CA5A: variants seen among roughly 807,000 people sequenced by gnomAD.
The protein encoded by CA5A is carbonic anhydrase 5A, also known as carbonic anhydrase 5A, mitochondrial.
Under a neutral mutation model 37.1 loss-of-function variants are expected in CA5A, and 28 were observed. That is an observed-to-expected ratio of 0.75 (90% CI 0.56 to 1.03). CA5A has a LOEUF of 1.03. Among genes scored for constraint, CA5A ranks in the 50% least tolerant of loss-of-function variants. The pLI, the probability that CA5A is intolerant of heterozygous loss-of-function variation, is 0.00. For synonymous variants in CA5A, 171 were observed against 158.4 expected (o/e 1.08, Z -0.60); for missense variants, 444 against 399.9 (o/e 1.11, Z -0.94).
At chr16:87,918,001 C>A (rs1240236844) in intron 2 of CA5A, among the ~76,000 whole-genome samples, 2 of 152,214 alleles carry the variant, frequency 1.3e-5, no homozygotes, top group East Asian at 3.8e-4. Context: ...CCGACACTGC[C>A]AGGATTCCCC....
At chr16:87,891,997 G>T (rs1404923475) in intron 5 of CA5A, 43 bp from the exon 6 acceptor site, 3 of 1,476,388 alleles carry the variant, frequency 2.0e-6, no homozygotes, top group South Asian at 1.4e-5. Context: ...CCTCAGGGGA[G>T]ACTAGGAGCT....
chr16:87,928,760 GTTTTTTTT>G (rs60994571), intron 1 of CA5A, among the ~76,000 whole-genome samples: 3 of 57,924 alleles, frequency 5.2e-5, no homozygotes, highest in East Asian at 1.2e-3. Flanking sequence ...TCTTTTCTTT[GTTTTTTTT>G]TTTTTTTTTT....
intron 1 of CA5A, among the ~76,000 whole-genome samples, chr16:87,930,672 G>C (rs913186764): frequency 6.6e-6 from 1 of 152,078 alleles, no homozygotes; most frequent in Admixed American, 6.6e-5. Context: ...GTGGTTCTGA[G>C]AGGGGCTGCT....
At chr16:87,891,760 C>T (rs1223797710) in intron 6 of CA5A, 39 bp downstream of exon 6, 11 of 1,451,100 alleles carry the variant, frequency 7.6e-6, no homozygotes, top group Middle Eastern at 2.5e-4. Context: ...GGGACGCCTT[C>T]CATGAAGCGC....
rs1309234044 is a variant in CA5A, at chr16:87,888,218, T to G, written c.829A>C (p.Met277Leu). 1 of 1,613,902 alleles carries G rather than the reference T, an allele frequency of 6.2e-7. No individual in the cohort carries two copies. The highest frequency in any genetic ancestry group is 8.5e-7 in the Non-Finnish European group (1 of 1,179,846). ...TGAAGTGGGCGATAGTTGTTCACCA[T>G]CATCTTCTCCTCTTCACCAAGTGCA... The part of the protein sequence containing the change: ...FSALGEEEKM[M>L]VNNYRPLQPL... The change falls in exon 7 of 7, where the codon ATG (methionine) becomes CTG (leucine). Residue 277 changes from methionine to leucine, a missense_variant. Met to Leu is a conservative substitution (Grantham distance 15). Transcript: ENST00000649794.
Position 87,919,284 on chromosome 16 carries a change from T to C in CA5A, c.340+7464A>G, listed in dbSNP as rs138403282. 5.0e-3 allele frequency among the ~76,000 whole-genome samples: 768 copies of C among 152,316 alleles called. 9 individuals are homozygous for C. Among genetic ancestry groups the C allele is most frequent in the African/African-American group, 0.018 (728 of 41,574 alleles). On this transcript the variant is annotated intron_variant, in intron 2 of 6. Transcript: ENST00000649794. ...TCCAGTGAGGAGGGCGCCCCATCCTTACTCTGGGAACAGCGTCCTCGGCTG... is the reference window on the plus strand; with the variant it reads ...TCCAGTGAGGAGGGCGCCCCATCCTCACTCTGGGAACAGCGTCCTCGGCTG...
chr16:87,921,650 C>G (rs1263111064), intron 2 of CA5A, among the ~76,000 whole-genome samples: 1 of 152,152 alleles, frequency 6.6e-6, no homozygotes, highest in Non-Finnish European at 1.5e-5. Flanking sequence ...CGGGGATGGG[C>G]TCGCTCCCAA....
intron 6 of CA5A, 86 bp downstream of exon 6, chr16:87,891,713 C>G: frequency 8.5e-7 from 1 of 1,180,880 alleles, no homozygotes; most frequent in African/African-American, 1.6e-5. Flanking sequence ...CTCCACAACG[C>G]TCTCATGCAG....
At chr16:87,927,105 C>T (rs1438991366) in intron 1 of CA5A, among the ~76,000 whole-genome samples, 160 bp from the exon 2 acceptor site, 2 of 152,260 alleles carry the variant, frequency 1.3e-5, no homozygotes, top group East Asian at 3.8e-4. Flanking sequence ...CGCAGCGACG[C>T]ACGCCCACAG....
At chr16:87,895,986 G>A (rs2055796708) in intron 5 of CA5A, among the ~76,000 whole-genome samples, 1 of 152,124 alleles carries the variant, frequency 6.6e-6, no homozygotes, top group African/African-American at 2.4e-5. Flanking sequence ...TCAGTCTGGT[G>A]CACGTGGGTA....
intron 2 of CA5A, among the ~76,000 whole-genome samples, chr16:87,922,105 G>T (rs185519436): frequency 6.6e-6 from 1 of 152,180 alleles, no homozygotes; most frequent in East Asian, 1.9e-4. Flanking sequence ...CGGTGCTGGG[G>T]TTACAGGTGT....
chr16:87,891,712 G>A lies in CA5A; in HGVS notation c.774+87C>T, dbSNP rs575768370. 1.6e-3 allele frequency: 1,803 copies of A among 1,155,666 alleles called. 1 individual carries two copies. The highest frequency in any genetic ancestry group is 1.9e-3 in the Non-Finnish European group (1,616 of 856,458). The allele number at this position is 1,155,666 out of a possible 1,614,324, so 71.6% of individuals were successfully genotyped here. A position where few individuals can be genotyped will look rare whatever the true frequency, so the allele number is the denominator to read the frequency against. On this transcript the variant is annotated intron_variant, in intron 6 of 6. Coordinates refer to ENST00000649794, the MANE Select transcript of CA5A (RefSeq NM_001739.2). ...GAAAGAATATATATAACTCCACAAC[G>A]CTCTCATGCAGCATCTTAGTGACGC... is the stretch of plus-strand genomic sequence containing the variant.
rs986087326 is a variant in CA5A, at chr16:87,918,813, G to A, written c.340+7935C>T. On this transcript the variant is annotated intron_variant, in intron 2 of 6. Coordinates refer to ENST00000649794, the MANE Select transcript of CA5A (RefSeq NM_001739.2). The stretch of plus-strand genomic sequence containing the variant: ...GGTTCTCATTCCCTCCATCCCCAGC[G>A]GCTCCCGATTCCCAATCCAGGTGAA... Among the ~76,000 whole-genome samples, 16 of 152,114 alleles carry A rather than the reference G, an allele frequency of 1.1e-4. 1 individual carries two copies. The highest frequency in any genetic ancestry group is 8.3e-4 in the South Asian group (4 of 4,828).
Position 87,888,160 on chromosome 16 carries a change from A to C in CA5A, c.887T>G (p.Phe296Cys). 6.2e-7 allele frequency: 1 copy of C among 1,613,776 alleles called. No individual in the cohort carries two copies. Among genetic ancestry groups the C allele is most frequent in the Non-Finnish European group, 8.5e-7 (1 of 1,179,748 alleles). ...PLMNRKVWASFQATNEGTRS is the reference protein window; with the variant it reads ...PLMNRKVWASCQATNEGTRS Reference sequence around the variant, plus strand: ...CCTTGTGCCCTCATTAGTGGCCTGGAAGGACGCCCAGACCTTCCGGTTCAT... The same window carrying C: ...CCTTGTGCCCTCATTAGTGGCCTGGCAGGACGCCCAGACCTTCCGGTTCAT... Residue 296 changes from phenylalanine (F) to cysteine (C), a missense_variant, in exon 7 of 7, where the codon TTC becomes TGC. By Grantham distance (205) the Phe-to-Cys change is radical. Coordinates refer to ENST00000649794, the MANE Select transcript of CA5A (RefSeq NM_001739.2).
At chr16:87,924,034 C>T in intron 2 of CA5A, 1 of 985,406 alleles carries the variant, frequency 1.0e-6, no homozygotes, top group Non-Finnish European at 1.2e-6. Flanking sequence ...TTGGAACAGA[C>T]CAACAAGGGG....
chr16:87,912,316 C>T (rs1351592002), intron 2 of CA5A, among the ~76,000 whole-genome samples: 2 of 152,130 alleles, frequency 1.3e-5, no homozygotes, highest in East Asian at 3.9e-4. Context: ...AATAAATAAA[C>T]AATAAAATAA....
At position 87,907,391 on chromosome 16, in the gene CA5A, T is replaced by C. The variant is rs187931101; in HGVS notation, c.341-2487A>G. ...CCAGCCCCAGCAGCATCAAAGTGCATTGATGGGTGACTGAGGGTGGAGCCT... is the reference window on the plus strand; with the variant it reads ...CCAGCCCCAGCAGCATCAAAGTGCACTGATGGGTGACTGAGGGTGGAGCCT... On this transcript the variant is annotated intron_variant, in intron 2 of 6. Coordinates refer to ENST00000649794, the MANE Select transcript of CA5A (RefSeq NM_001739.2). 9.2e-4 allele frequency among the ~76,000 whole-genome samples: 140 copies of C among 152,272 alleles called. 1 individual carries two copies. Among genetic ancestry groups the C allele is most frequent in the African/African-American group, 3.0e-3 (126 of 41,556 alleles).
At chr16:87,908,363 C>G (rs1431774739) in intron 2 of CA5A, among the ~76,000 whole-genome samples, 1 of 152,174 alleles carries the variant, frequency 6.6e-6, no homozygotes, top group Admixed American at 6.5e-5. Flanking sequence ...AAAGTGTTGT[C>G]TGATGATGGC....
At chr16:87,906,140 A>T (rs1378971478) in intron 2 of CA5A, among the ~76,000 whole-genome samples, 6 of 152,152 alleles carry the variant, frequency 3.9e-5, no homozygotes, top group Non-Finnish European at 8.8e-5. Flanking sequence ...TGCTCCTGGG[A>T]TGGCTGGGCA....
Sources: gnomAD v4.1 joint callset for allele counts (sites outside exome capture counted in the v4.1 genomes callset) on GRCh38, gnomAD v4.1.1 for gene constraint, MANE v1.5 for transcripts, NCBI Gene and HGNC (gene_info 2026-07-23, HGNC 2026-07-21) for gene names.